Variants in HK2 observed in about 807,000 individuals in gnomAD.
The protein encoded by HK2 is hexokinase 2, also known as hexokinase-2.
A neutral mutation model predicts 92.9 loss-of-function variants in HK2; 42 were observed. The observed-to-expected ratio is 0.45, with a 90% CI of 0.35 to 0.58. The LOEUF (loss-of-function observed/expected upper bound fraction) is 0.58, where lower values mean the gene tolerates loss of function less well. Ranked by LOEUF, HK2 falls within the 20% of genes least tolerant of loss-of-function variation. The probability of loss-of-function intolerance (pLI) is 0.00; values close to 1 mark genes in which losing one functional copy is unlikely to be tolerated. For synonymous variants in HK2, 422 were observed against 468.0 expected (o/e 0.90, Z 1.27); for missense variants, 978 against 1,245.1 (o/e 0.79, Z 3.23).
chr2:74,844,972 C>T (rs1688403693), intron 1 of HK2, among the ~76,000 whole-genome samples: 1 of 152,200 alleles, frequency 6.6e-6, no homozygotes, highest in African/African-American at 2.4e-5. Context: ...GAGATAGCTG[C>T]TGCTATGACT....
At chr2:74,885,685 G>C in intron 13 of HK2, 96 bp downstream of exon 13, 1 of 850,442 alleles carries the variant, frequency 1.2e-6, no homozygotes, top group South Asian at 1.3e-5. Context: ...AAGTGTGGCT[G>C]CATGGGTTGG....
chr2:74,892,399 T>C lies in HK2; in HGVS notation c.*1458T>C, dbSNP rs1276746194. ...TTAAATGTTTTACAAGAATTGTCCA[T>C]GTGCTTCCCTAGGCTGAGCTGGCAT... On this transcript the variant is annotated 3_prime_UTR_variant, in exon 18 of 18. Transcript: ENST00000290573. 2 of 152,224 alleles carry C rather than the reference T, an allele frequency of 1.3e-5. No homozygotes were observed. Among genetic ancestry groups the C allele is most frequent in the African/African-American group, 2.4e-5 (1 of 41,458 alleles). The allele number at this position is 152,224 out of a possible 1,614,324, so 9.4% of individuals were successfully genotyped here.
At chr2:74,843,962 G>A (rs1287871239) in intron 1 of HK2, among the ~76,000 whole-genome samples, 2 of 152,196 alleles carry the variant, frequency 1.3e-5, no homozygotes, top group African/African-American at 4.8e-5. Flanking sequence ...GGTAGGTCCT[G>A]TTATTATCTA....
At chr2:74,858,072 T>C (rs1688734371) in intron 2 of HK2, among the ~76,000 whole-genome samples, 1 of 152,248 alleles carries the variant, frequency 6.6e-6, no homozygotes, top group Admixed American at 6.5e-5. Flanking sequence ...AGGGAGCCAA[T>C]TTTTAAATCC....
chr2:74,887,770 A>G, intron 15 of HK2, 133 bp from the exon 16 acceptor site: 1 of 814,430 alleles, frequency 1.2e-6, no homozygotes, highest in Non-Finnish European at 2.1e-6. Context: ...TCAAGTAGCA[A>G]TTCCTTTCCC....
rs750079147 is a variant in HK2 at position 74,867,742 on chromosome 2, C to T, written c.333C>T (p.Ile111=). ...GLQKVEMENQ[I]YAIPEDIMRG... ...AGAAGGTGGAGATGGAGAATCAGAT[C>T]TATGCCATCCCTGAGGACATCATGC... The change falls in exon 3 of 18, where the codon ATC becomes ATT. Residue 111 remains isoleucine, a synonymous_variant. Transcript: ENST00000290573. 1 of 1,614,174 alleles carries T rather than the reference C, an allele frequency of 6.2e-7. No homozygotes were observed. Among genetic ancestry groups the T allele is most frequent in the East Asian group, 2.2e-5 (1 of 44,886 alleles).
At chr2:74,890,154 C>CAG (rs1455595911) in intron 17 of HK2, among the ~76,000 whole-genome samples, 1 of 152,160 alleles carries the variant, frequency 6.6e-6, no homozygotes, top group Non-Finnish European at 1.5e-5. Flanking sequence ...TGGGAGGGGG[C>CAG]AGAAGCCCAG....
intron 2 of HK2, among the ~76,000 whole-genome samples, chr2:74,866,070 C>T (rs114129458): frequency 0.014 from 2,068 of 152,168 alleles, 61 homozygotes; most frequent in African/African-American, 0.046. Context: ...CCGTGTGTCA[C>T]ATCGCCTGAC....
At chr2:74,863,362 A>C (rs1688875051) in intron 2 of HK2, among the ~76,000 whole-genome samples, 1 of 152,280 alleles carries the variant, frequency 6.6e-6, no homozygotes, top group South Asian at 2.1e-4. Flanking sequence ...GTAGAAGATC[A>C]GATCACTCCA....
intron 2 of HK2, among the ~76,000 whole-genome samples, chr2:74,856,534 G>A (rs181817322): frequency 1.1e-4 from 16 of 152,220 alleles, no homozygotes; most frequent in African/African-American, 1.7e-4. Context: ...TACACACTCC[G>A]GAAGGCCAGG....
intron 12 of HK2, 45 bp downstream of exon 12, chr2:74,882,284 T>A: frequency 6.2e-7 from 1 of 1,612,492 alleles, no homozygotes. Flanking sequence ...CTTTATTGAC[T>A]CTAAACAAAA....
At chr2:74,844,691 G>A (rs1015876184) in intron 1 of HK2, among the ~76,000 whole-genome samples, 3 of 152,192 alleles carry the variant, frequency 2.0e-5, no homozygotes, top group Admixed American at 1.3e-4. Flanking sequence ...TGGGGCTGTC[G>A]AGGGGTAGGC....
chr2:74,848,274 GA>G (rs1688490380), intron 1 of HK2, among the ~76,000 whole-genome samples: 1 of 152,148 alleles, frequency 6.6e-6, no homozygotes, highest in Non-Finnish European at 1.5e-5. Context: ...GACACTCATT[GA>G]TCTATAATAT....
intron 3 of HK2, 31 bp downstream of exon 3, chr2:74,867,815 T>C: frequency 6.2e-7 from 1 of 1,613,550 alleles, no homozygotes; most frequent in Non-Finnish European, 8.5e-7. Flanking sequence ...CAGCCCCTGG[T>C]GACAAAAAAC....
chr2:74,882,370 A>G, intron 12 of HK2, 131 bp downstream of exon 12: 1 of 1,368,648 alleles, frequency 7.3e-7, no homozygotes, highest in Non-Finnish European at 1.0e-6. Flanking sequence ...AGTAGTGGGG[A>G]GGGGCTCCTT....
chr2:74,889,227 G>C lies in HK2; in HGVS notation c.2376-18G>C. 6.2e-7 allele frequency: 1 copy of C among 1,601,804 alleles called. No homozygotes were observed. Among genetic ancestry groups the C allele is most frequent in the South Asian group, 1.1e-5 (1 of 89,760 alleles). On this transcript the variant is annotated intron_variant, in intron 16 of 17. Coordinates refer to ENST00000290573, the MANE Select transcript of HK2 (RefSeq NM_000189.5). Reference sequence around the variant, plus strand: ...CTTGGTGCATGACTGAACACTTGCTGTCTCCCTCCCACCCCAGTGACTGCC... The same window carrying C: ...CTTGGTGCATGACTGAACACTTGCTCTCTCCCTCCCACCCCAGTGACTGCC...
At chr2:74,852,031 C>G in intron 1 of HK2, among the ~76,000 whole-genome samples, 1 of 152,304 alleles carries the variant, frequency 6.6e-6, no homozygotes, top group South Asian at 2.1e-4. Flanking sequence ...CGTGGCCCCT[C>G]GTGTCTGTGT....
In HK2 at chr2:74,875,332, T is replaced by TG. The variant is rs1278310914; in HGVS notation, c.875+883_875+884insG. Among the ~76,000 whole-genome samples, 420 of 148,056 alleles carry TG rather than the reference T, an allele frequency of 2.8e-3. 1 individual carries two copies. Among genetic ancestry groups the TG allele is most frequent in the South Asian group, 7.3e-3 (33 of 4,524 alleles). On this transcript the variant is annotated intron_variant, in intron 7 of 17. Transcript: ENST00000290573. ...CCAGGAGAGTCCTTGCTTTCGTTTTTTTTTTTTTTTTTTTGAGACAGAGTC... is the reference window on the plus strand; with the variant it reads ...CCAGGAGAGTCCTTGCTTTCGTTTTTGTTTTTTTTTTTTTTGAGACAGAGTC...
chr2:74,891,679 G>C lies in HK2; in HGVS notation c.*738G>C, dbSNP rs1689682935. On this transcript the variant is annotated 3_prime_UTR_variant, in exon 18 of 18. Coordinates refer to ENST00000290573, the MANE Select transcript of HK2 (RefSeq NM_000189.5). ...TTGGGGAAGGGGGAGTTTTTAGTTT[G>C]TTTTACAAATTTTTCCTGCAAAAGT... is the stretch of plus-strand genomic sequence containing the variant. 6.6e-6 allele frequency: 1 copy of C among 152,130 alleles called. No individual in the cohort carries two copies. Among genetic ancestry groups the C allele is most frequent in the South Asian group, 2.1e-4 (1 of 4,820 alleles). The allele number at this position is 152,130 out of a possible 1,614,324, so 9.4% of individuals were successfully genotyped here. A position where few individuals can be genotyped will look rare whatever the true frequency, so the allele number is the denominator to read the frequency against.
Sources: gnomAD v4.1 joint callset for allele counts (sites outside exome capture counted in the v4.1 genomes callset) on GRCh38, gnomAD v4.1.1 for gene constraint, MANE v1.5 for transcripts, NCBI Gene and HGNC (gene_info 2026-07-23, HGNC 2026-07-21) for gene names.